The following TJP1 variants were observed in gnomAD, a reference collection of about 807,000 sequenced individuals.
The protein encoded by TJP1 is tight junction protein 1, also known as tight junction protein ZO-1.
A neutral mutation model predicts 194.2 loss-of-function variants in TJP1; 43 were observed. The observed-to-expected ratio is 0.22, with a 90% CI of 0.17 to 0.29. The LOEUF (loss-of-function observed/expected upper bound fraction) is 0.29, where lower values mean the gene tolerates loss of function less well. Ranked by LOEUF, TJP1 falls within the 10% of genes least tolerant of loss-of-function variation. The pLI, the probability that TJP1 is intolerant of heterozygous loss-of-function variation, is 1.00. For missense variants in TJP1, 1,971 were observed against 2,185.7 expected (o/e 0.90, Z 1.96); for synonymous variants, 801 against 779.0 (o/e 1.03, Z -0.47).
chr15:29,790,426 T>C (rs2047996191), intron 2 of TJP1, among the ~76,000 whole-genome samples: 1 of 118,442 alleles, frequency 8.4e-6, no homozygotes, highest in Admixed American at 9.9e-5. Flanking sequence ...TAAACAGTAG[T>C]TGTATATATT....
intron 20 of TJP1, 63 bp from the exon 21 acceptor site, chr15:29,719,201 A>G (rs551980861): frequency 2.1e-5 from 30 of 1,447,154 alleles, no homozygotes; most frequent in African/African-American, 2.8e-5. Flanking sequence ...ATTTTATTAG[A>G]CTGTGATTAA....
chr15:29,878,950 C>G (rs2052818297), intron 2 of TJP1, among the ~76,000 whole-genome samples: 2 of 151,848 alleles, frequency 1.3e-5, no homozygotes, highest in South Asian at 4.2e-4. Flanking sequence ...TGGTGAAACC[C>G]CGTCTCTACT....
At chr15:29,716,128 G>C (rs2042547913) in intron 23 of TJP1, among the ~76,000 whole-genome samples, 1 of 152,140 alleles carries the variant, frequency 6.6e-6, no homozygotes, top group African/African-American at 2.4e-5. Flanking sequence ...AAGAAACTTG[G>C]GGTTCAGTCC....
chr15:29,948,598 T>C (rs1325943426), intron 2 of TJP1, among the ~76,000 whole-genome samples: 1 of 152,120 alleles, frequency 6.6e-6, no homozygotes, highest in Admixed American at 6.5e-5. Flanking sequence ...GCCTTTATCC[T>C]TGTGGACGTG....
At chr15:29,774,018 A>G (rs1230248641) in intron 2 of TJP1, among the ~76,000 whole-genome samples, 2 of 152,210 alleles carry the variant, frequency 1.3e-5, no homozygotes, top group Non-Finnish European at 2.9e-5. Flanking sequence ...AAAATTCAAA[A>G]TATTTTCCAG....
intron 8 of TJP1, among the ~76,000 whole-genome samples, chr15:29,748,531 A>AATGAATC (rs2044967365): frequency 6.6e-6 from 1 of 150,938 alleles, no homozygotes; most frequent in African/African-American, 2.4e-5. Flanking sequence ...AGGTTGTGAT[A>AATGAATC]ATGAATCACA....
At chr15:29,954,802 C>T (rs941657859) in intron 2 of TJP1, among the ~76,000 whole-genome samples, 1 of 152,018 alleles carries the variant, frequency 6.6e-6, no homozygotes, top group African/African-American at 2.4e-5. Context: ...GAGTATTGGC[C>T]GGGCACGGTG....
intron 8 of TJP1, 119 bp from the exon 9 acceptor site, chr15:29,742,900 G>C: frequency 1.2e-6 from 1 of 836,598 alleles, no homozygotes; most frequent in Non-Finnish European, 1.7e-6. Context: ...TGCTCTAACA[G>C]ATACCAAAAT....
intron 19 of TJP1, 84 bp from the exon 20 acceptor site, chr15:29,720,100 T>C: frequency 7.4e-6 from 11 of 1,493,832 alleles, no homozygotes; most frequent in South Asian, 1.4e-5. Context: ...TTGGTAGACA[T>C]ACATTTTAAG....
At chr15:29,896,832 G>T (rs1380495859) in intron 2 of TJP1, among the ~76,000 whole-genome samples, 1 of 152,144 alleles carries the variant, frequency 6.6e-6, no homozygotes, top group Admixed American at 6.5e-5. Flanking sequence ...GAACTTGAGA[G>T]AGCTGATTTA....
rs11464931 is a variant in TJP1 at position 29,700,721 on chromosome 15, C to CAAAAAAAAAAAAA, written c.*861_*873dup. On this transcript the variant is annotated 3_prime_UTR_variant, in exon 28 of 28. Transcript: ENST00000614355. ...ACAGAAAACCACCACTGCCCCTTGT[C>CAAAAAAAAAAAAA]AAAAAAAAAAAAAAAGAAAAGAAAA... 7.1e-6 allele frequency: 1 copy of CAAAAAAAAAAAAA among 140,816 alleles called. No individual in the cohort carries two copies. Among genetic ancestry groups the CAAAAAAAAAAAAA allele is most frequent in the Non-Finnish European group, 1.3e-5 (1 of 75,322 alleles). The allele number at this position is 140,816 out of a possible 1,614,324, so 8.7% of individuals were successfully genotyped here.
intron 2 of TJP1, among the ~76,000 whole-genome samples, chr15:29,878,190 C>T (rs2052781397): frequency 6.6e-6 from 1 of 152,074 alleles, no homozygotes; most frequent in South Asian, 2.1e-4. Context: ...GCTGGGACTA[C>T]AGGCGCCCGC....
At chr15:29,716,861 C>A in intron 22 of TJP1, 23 bp from the exon 23 acceptor site, 1 of 1,552,194 alleles carries the variant, frequency 6.4e-7, no homozygotes, top group South Asian at 1.2e-5. Context: ...GAATGACAAA[C>A]GGAACACCTT....
intron 2 of TJP1, among the ~76,000 whole-genome samples, chr15:29,853,742 C>T (rs1367507492): frequency 6.6e-6 from 1 of 152,116 alleles, no homozygotes; most frequent in African/African-American, 2.4e-5. Flanking sequence ...TTTAAAATTT[C>T]AAAGCTCTAT....
At chr15:29,930,792 G>T (rs2054682229) in intron 2 of TJP1, among the ~76,000 whole-genome samples, 1 of 152,156 alleles carries the variant, frequency 6.6e-6, no homozygotes, top group Non-Finnish European at 1.5e-5. Context: ...CTGTCATAAT[G>T]TGCAGAGAAT....
rs1327924168 is a variant in TJP1 at position 29,951,170 on chromosome 15, CT to C, written c.306+5061del. Among the ~76,000 whole-genome samples the C allele has an allele frequency of 2.0e-5, 3 of 151,776 alleles. No homozygotes were observed. The East Asian group carries it at 5.8e-4, about 29-fold the overall frequency. On this transcript the variant is annotated intron_variant, in intron 2 of 28. Coordinates refer to the TJP1 transcript ENST00000356107. ...TAGTCTGCATGGATACTCTTTTTTT[CT>C]TTTCCTTTTTTTTTGAGATGGAGTC...
chr15:29,740,072 C>T (rs2044298036), intron 10 of TJP1, among the ~76,000 whole-genome samples: 1 of 151,788 alleles, frequency 6.6e-6, no homozygotes, highest in South Asian at 2.1e-4. Context: ...ACTGCAAGCT[C>T]CGCCTCCTGG....
In TJP1 at chr15:29,830,640, T is replaced by TAAGTA. The variant is rs201912863; in HGVS notation, c.307-29939_307-29938insTACTT. On this transcript the variant is annotated intron_variant, in intron 2 of 28. Transcript: ENST00000356107. ...GAAACAAGTATAAAATAAAAAAAGTTAAGATTTTGCAATTCTAGTTTAAGT... is the reference window on the plus strand; with the variant it reads ...GAAACAAGTATAAAATAAAAAAAGTTAAGTAAAGATTTTGCAATTCTAGTTTAAGT... Among the ~76,000 whole-genome samples the TAAGTA allele has an allele frequency of 5.1e-3, 770 of 152,054 alleles. 26 individuals carry two copies. The East Asian group carries it at 0.095, about 19-fold the overall frequency.
At chr15:29,902,914 A>G (rs1388238738) in intron 2 of TJP1, among the ~76,000 whole-genome samples, 1 of 152,082 alleles carries the variant, frequency 6.6e-6, no homozygotes. Flanking sequence ...GGCGCCTGTA[A>G]TCCCAGCTAC....
Sources: allele counts gnomAD v4.1 joint callset (sites outside exome capture counted in the v4.1 genomes callset), GRCh38; gene constraint gnomAD v4.1.1; transcripts MANE v1.5; gene names NCBI Gene and HGNC (gene_info 2026-07-23, HGNC 2026-07-21).